Variants in GRIK3 observed in about 807,000 individuals in gnomAD.
GRIK3 encodes glutamate ionotropic receptor kainate type subunit 3.
GRIK3 carries 29 observed loss-of-function variants against 102.5 expected under a neutral mutation model. The ratio of observed to expected loss-of-function variants is 0.28; its 90% CI spans 0.21 to 0.39. The LOEUF is 0.39. GRIK3 is among the 10% of genes least tolerant of loss of function. The pLI is 1.00. For synonymous variants in GRIK3, 511 were observed against 504.9 expected, an observed-to-expected ratio of 1.01 and a Z score of -0.16; for missense variants, 908 against 1,252.4, an observed-to-expected ratio of 0.73 and a Z score of 4.15.
At chr1:36,931,910 C>G (rs1641594799) in intron 1 of GRIK3, among the ~76,000 whole-genome samples, 1 of 152,186 alleles carries the variant, frequency 6.6e-6, no homozygotes, top group Non-Finnish European at 1.5e-5. Context: ...ACATTTTTCT[C>G]CTTGCTGATC....
intron 1 of GRIK3, among the ~76,000 whole-genome samples, chr1:36,957,398 TGTGCCCCGTG>T (rs1641925357): frequency 6.9e-6 from 1 of 145,202 alleles, no homozygotes; most frequent in East Asian, 2.1e-4. Context: ...TCTGTGAATC[TGTGCCCCGTG>T]AGCCTGTGTG....
chr1:36,976,894 CT>C (rs1390431794), intron 1 of GRIK3, among the ~76,000 whole-genome samples: 1 of 152,176 alleles, frequency 6.6e-6, no homozygotes, highest in Non-Finnish European at 1.5e-5. Context: ...GCCAAAAAGG[CT>C]TCTAGACACA....
chr1:36,893,409 AC>A (rs1270474006), intron 1 of GRIK3, among the ~76,000 whole-genome samples: 2 of 152,234 alleles, frequency 1.3e-5, no homozygotes, highest in Non-Finnish European at 2.9e-5. Flanking sequence ...AGAAAATAAT[AC>A]AAAGGGGCTA....
At chr1:36,859,717 T>C in intron 6 of GRIK3, 127 bp downstream of exon 6, 1 of 765,076 alleles carries the variant, frequency 1.3e-6, no homozygotes, top group South Asian at 1.7e-5. Context: ...GCCTGGGGTC[T>C]GGCTGACACA....
rs150680412 is a variant in GRIK3, at chr1:36,950,421, C to A, written c.116-59325G>T. 4.5e-3 allele frequency among the ~76,000 whole-genome samples: 691 copies of A among 152,248 alleles called. 2 individuals are homozygous for A. The highest frequency in any genetic ancestry group is 0.015 in the African/African-American group (604 of 41,538). On this transcript the variant is annotated intron_variant, in intron 1 of 15. Coordinates refer to ENST00000373091, the MANE Select transcript of GRIK3 (RefSeq NM_000831.4). ...CTCCATTTATAAAATAATATTTTTC[C>A]AATAAAATGTGGATGCTCCATAATT... is the stretch of plus-strand genomic sequence containing the variant.
chr1:37,020,154 T>A (rs1311461513), intron 1 of GRIK3, among the ~76,000 whole-genome samples: 1 of 152,182 alleles, frequency 6.6e-6, no homozygotes, highest in East Asian at 1.9e-4. Flanking sequence ...ACCATTTTTC[T>A]GAGAAACACT....
At chr1:36,809,940 T>G (rs1267563394) in intron 13 of GRIK3, among the ~76,000 whole-genome samples, 1 of 152,148 alleles carries the variant, frequency 6.6e-6, no homozygotes, top group East Asian at 1.9e-4. Context: ...ACCAACTAAA[T>G]TATTACCTCC....
chr1:36,841,011 C>T (rs1230837320), intron 10 of GRIK3, among the ~76,000 whole-genome samples: 5 of 152,194 alleles, frequency 3.3e-5, no homozygotes, highest in Admixed American at 1.3e-4. Context: ...GAGTGACTTG[C>T]CCTTGTTCAC....
At chr1:36,945,275 G>A (rs1641770161) in intron 1 of GRIK3, among the ~76,000 whole-genome samples, 1 of 152,242 alleles carries the variant, frequency 6.6e-6, no homozygotes, top group African/African-American at 2.4e-5. Context: ...CTAGTTTCTG[G>A]ACAAAGCACC....
At chr1:36,869,637 T>C (rs1640821345) in intron 5 of GRIK3, 111 bp downstream of exon 5, 1 of 841,686 alleles carries the variant, frequency 1.2e-6, no homozygotes, top group Non-Finnish European at 2.1e-6. Context: ...CCCTACAGCC[T>C]GAGGAAGCTG....
rs114771561 is a variant in GRIK3, at chr1:36,859,997, C to T, written c.807G>A (p.Leu269=). The change falls in exon 6 of 16, where the codon CTG becomes CTA. Residue 269 remains leucine (L), a synonymous_variant. Coordinates refer to ENST00000373091, the MANE Select transcript of GRIK3 (RefSeq NM_000831.4). ...TCACGCCTGAGTAGCGGTAGGGCTCCAGGTCTAAAGCGTAGAGATCCTGGA... is the reference window on the plus strand; with the variant it reads ...TCACGCCTGAGTAGCGGTAGGGCTCTAGGTCTAAAGCGTAGAGATCCTGGA... ...FTTLDLYALD[L]EPYRYSGVNL... 8,207 of 1,605,368 alleles carry T rather than the reference C, an allele frequency of 5.1e-3. 43 individuals carry two copies. Among genetic ancestry groups the T allele is most frequent in the Middle Eastern group, 0.045 (269 of 6,004 alleles).
intron 1 of GRIK3, among the ~76,000 whole-genome samples, chr1:36,997,665 G>T (rs1190491005): frequency 6.6e-6 from 1 of 152,214 alleles, no homozygotes; most frequent in African/African-American, 2.4e-5. Flanking sequence ...CACCTTGGGA[G>T]GGGCCGGGGG....
At chr1:36,990,543 C>A (rs1570849826) in intron 1 of GRIK3, among the ~76,000 whole-genome samples, 1 of 152,174 alleles carries the variant, frequency 6.6e-6, no homozygotes, top group East Asian at 1.9e-4. Flanking sequence ...AGGGCTCCAC[C>A]CCAGACTAGC....
chr1:36,973,796 T>A (rs192112298), intron 1 of GRIK3, among the ~76,000 whole-genome samples: 2 of 152,234 alleles, frequency 1.3e-5, no homozygotes, highest in African/African-American at 4.8e-5. Flanking sequence ...TGATTTCAGA[T>A]GACGTAGGAG....
intron 15 of GRIK3, 36 bp from the exon 16 acceptor site, chr1:36,802,081 G>A (rs966597896): frequency 4.7e-6 from 7 of 1,501,666 alleles, no homozygotes; most frequent in Non-Finnish European, 6.4e-6. Flanking sequence ...CGGAAAAGGG[G>A]CACAGAGTGA....
rs1027911400 is a variant in GRIK3 at position 36,819,010 on chromosome 1, G to T, written c.1873+726C>A. ...CTGGTGGTCCCCTCTCCCTGTGCCT[G>T]CCCTCCTGCTCCCTGCTGTCTCTGC... On this transcript the variant is annotated intron_variant, in intron 12 of 15. Transcript: ENST00000373091. This position sits in a 1 kb window ranked among gnomAD's most constrained non-coding sequence, Gnocchi z 4.1. Among the ~76,000 whole-genome samples the T allele has an allele frequency of 4.6e-5, 7 of 152,212 alleles. No homozygotes were observed. The highest frequency in any genetic ancestry group is 1.4e-4 in the African/African-American group (6 of 41,442).
At chr1:36,956,980 C>T (rs904052733) in intron 1 of GRIK3, among the ~76,000 whole-genome samples, 65 of 152,356 alleles carry the variant, frequency 4.3e-4, no homozygotes, top group African/African-American at 1.5e-3. Context: ...TCACTCTGGG[C>T]GATGCCCAGC....
chr1:36,836,326 C>T (rs549023277), intron 10 of GRIK3, among the ~76,000 whole-genome samples: 5 of 152,380 alleles, frequency 3.3e-5, no homozygotes, highest in Middle Eastern at 3.4e-3. Context: ...CTAGTCACGA[C>T]CCCACAACAA....
At chr1:36,955,168 G>A (rs1557439235) in intron 1 of GRIK3, among the ~76,000 whole-genome samples, 1 of 152,178 alleles carries the variant, frequency 6.6e-6, no homozygotes, top group Non-Finnish European at 1.5e-5. Context: ...TGAGCAGCCC[G>A]CCAGCCAGCT....
Sources: allele counts gnomAD v4.1 joint callset (sites outside exome capture counted in the v4.1 genomes callset), GRCh38; gene constraint gnomAD v4.1.1; non-coding constraint Gnocchi (gnomAD v3.1); transcripts MANE v1.5; gene names NCBI Gene and HGNC (gene_info 2026-07-23, HGNC 2026-07-21).